Variants in SEC63 observed in about 807,000 individuals in gnomAD.
SEC63 encodes the protein translocation protein SEC63 homolog.
A neutral mutation model predicts 116.2 loss-of-function variants in SEC63; 56 were observed. The observed-to-expected ratio is 0.48, with a 90% CI of 0.39 to 0.60. The LOEUF is 0.60. Among genes scored for constraint, SEC63 ranks in the 20% least tolerant of loss-of-function variants. The probability of loss-of-function intolerance (pLI) is 0.00; values close to 1 mark genes in which losing one functional copy is unlikely to be tolerated. For synonymous variants in SEC63, 273 were observed against 294.6 expected, an observed-to-expected ratio of 0.93 and a Z score of 0.75; for missense variants, 668 against 900.0, an observed-to-expected ratio of 0.74 and a Z score of 3.30.
Position 107,954,338 on chromosome 6 carries a change from G to A in SEC63, c.124+3548C>T, listed in dbSNP as rs1229994980. ...AGGGACACAAACACTGCGGAAGGCC[G>A]CAGGGTCCTCTGCCTAGGAAAACCA... On this transcript the variant is annotated intron_variant, in intron 1 of 20. Transcript: ENST00000369002. 6.6e-5 allele frequency among the ~76,000 whole-genome samples: 10 copies of A among 151,792 alleles called. No individual in the cohort carries two copies. In the South Asian group the frequency reaches 1.2e-3, roughly 19 times the overall value.
chr6:107,953,677 G>A (rs1295531243), intron 1 of SEC63, among the ~76,000 whole-genome samples: 4 of 127,508 alleles, frequency 3.1e-5, no homozygotes, highest in South Asian at 2.7e-4. Flanking sequence ...CCGGCCAGCC[G>A]CCCCGTCCGG....
At chr6:107,926,950 CAT>C (rs542684639) in intron 2 of SEC63, among the ~76,000 whole-genome samples, 46 of 152,276 alleles carry the variant, frequency 3.0e-4, no homozygotes, top group African/African-American at 1.1e-3. Context: ...AAGATAGAAA[CAT>C]AACGGATCAC....
intron 1 of SEC63, among the ~76,000 whole-genome samples, chr6:107,953,827 C>T (rs7775299): frequency 1.6e-5 from 2 of 123,820 alleles, no homozygotes; most frequent in African/African-American, 2.9e-5. Flanking sequence ...CCAGCCGCCC[C>T]GTCCGGGAGG....
chr6:107,902,549 T>A (rs1488948328), intron 12 of SEC63, among the ~76,000 whole-genome samples: 1 of 152,130 alleles, frequency 6.6e-6, no homozygotes, highest in Non-Finnish European at 1.5e-5. Context: ...AAAATGACTG[T>A]AAAGTAGACA....
chr6:107,917,779 C>G (rs772843674), intron 4 of SEC63, among the ~76,000 whole-genome samples: 5 of 152,198 alleles, frequency 3.3e-5, no homozygotes, highest in Admixed American at 6.5e-5. Flanking sequence ...GGTGAGGGAG[C>G]TGCAGAAGCT....
At chr6:107,911,213 T>C in intron 7 of SEC63, 133 bp downstream of exon 7, 1 of 717,884 alleles carries the variant, frequency 1.4e-6, no homozygotes. Flanking sequence ...CACCTCACCT[T>C]CAGTGGCAAG....
Position 107,958,110 on chromosome 6 carries a change from C to G in SEC63, c.-101G>C. 1.9e-6 allele frequency: 3 copies of G among 1,548,092 alleles called. No homozygotes were observed. The highest frequency in any genetic ancestry group is 2.6e-6 in the Non-Finnish European group (3 of 1,137,894). ...CGGCCCGAGTGGCGTAGCTTGGACA[C>G]TGCCGCCGCCGCCTCTCCTCCCCGC... On this transcript the variant is annotated 5_prime_UTR_variant, in exon 1 of 21. Transcript: ENST00000369002.
At chr6:107,914,035 G>T (rs1787344303) in intron 4 of SEC63, among the ~76,000 whole-genome samples, 1 of 152,072 alleles carries the variant, frequency 6.6e-6, no homozygotes, top group African/African-American at 2.4e-5. Context: ...AATTTCTCCT[G>T]AACAGCAGCT....
intron 7 of SEC63, 32 bp from the exon 8 acceptor site, chr6:107,909,067 A>G: frequency 1.4e-6 from 2 of 1,480,238 alleles, no homozygotes; most frequent in South Asian, 2.3e-5. Flanking sequence ...ACAAGAAAGA[A>G]AGTATAAAAA....
At chr6:107,942,306 C>G (rs186854562) in intron 1 of SEC63, among the ~76,000 whole-genome samples, 2 of 152,316 alleles carry the variant, frequency 1.3e-5, no homozygotes, top group African/African-American at 2.4e-5. Flanking sequence ...CACCACCATT[C>G]TTCAGCAGCC....
At chr6:107,937,898 A>C (rs986050349) in intron 1 of SEC63, among the ~76,000 whole-genome samples, 1 of 152,034 alleles carries the variant, frequency 6.6e-6, no homozygotes, top group Non-Finnish European at 1.5e-5. Context: ...TTGCTTGTTG[A>C]GTTGTTTAAG....
In SEC63 at chr6:107,921,779, A is replaced by C; in HGVS notation, c.452+18T>G. On this transcript the variant is annotated intron_variant, in intron 4 of 20. Coordinates refer to ENST00000369002, the MANE Select transcript of SEC63 (RefSeq NM_007214.5). ...TCTGTACCATTCTTAAAAATTTGTAATGGATCCTGATACTTACGCAGCATA... is the reference window on the plus strand; with the variant it reads ...TCTGTACCATTCTTAAAAATTTGTACTGGATCCTGATACTTACGCAGCATA... The C allele has an allele frequency of 6.7e-7, 1 of 1,483,636 alleles. No individual in the cohort carries two copies. The highest frequency in any genetic ancestry group is 1.1e-5 in the South Asian group (1 of 88,440). The allele number at this position is 1,483,636 out of a possible 1,614,324, so 91.9% of individuals were successfully genotyped here. A position where few individuals can be genotyped will look rare whatever the true frequency, so the allele number is the denominator to read the frequency against.
At chr6:107,908,500 C>G (rs1787201703) in intron 8 of SEC63, among the ~76,000 whole-genome samples, 1 of 152,170 alleles carries the variant, frequency 6.6e-6, no homozygotes, top group Non-Finnish European at 1.5e-5. Context: ...CTGGATATCA[C>G]TTACTGTGTA....
intron 16 of SEC63, among the ~76,000 whole-genome samples, chr6:107,887,750 A>T (rs948614778): frequency 2.0e-5 from 3 of 151,268 alleles, no homozygotes; most frequent in African/African-American, 7.3e-5. Context: ...AAGTATAACT[A>T]AAAAAAAAAT....
rs572597143 is a variant in SEC63, at chr6:107,903,827, C to T, written c.1054+802G>A. Among the ~76,000 whole-genome samples, 39 of 152,242 alleles carry T rather than the reference C, an allele frequency of 2.6e-4. 1 individual carries two copies. The highest frequency in any genetic ancestry group is 8.9e-4 in the African/African-American group (37 of 41,574). ...AAGAGAAATTTTAAATCTTTGCAAA[C>T]AATTGAACAATAAAATAATTAAATT... On this transcript the variant is annotated intron_variant, in intron 11 of 20. Transcript: ENST00000369002.
chr6:107,921,073 C>T (rs574805478), intron 4 of SEC63, among the ~76,000 whole-genome samples: 8 of 151,560 alleles, frequency 5.3e-5, no homozygotes, highest in East Asian at 3.9e-4. Context: ...TCTTGTGTGA[C>T]GAAATTCTAA....
intron 16 of SEC63, among the ~76,000 whole-genome samples, chr6:107,886,309 G>T (rs575787560): frequency 6.6e-6 from 1 of 152,116 alleles, no homozygotes; most frequent in Non-Finnish European, 1.5e-5. Flanking sequence ...GAACAGTGCC[G>T]CAATAAACAT....
At chr6:107,926,559 T>A (rs1252608759) in intron 2 of SEC63, among the ~76,000 whole-genome samples, 1 of 152,118 alleles carries the variant, frequency 6.6e-6, no homozygotes, top group African/African-American at 2.4e-5. Context: ...AACTTTTTTT[T>A]AACACTTTTT....
chr6:107,881,564 C>A (rs1786415187), intron 17 of SEC63, among the ~76,000 whole-genome samples: 2 of 152,048 alleles, frequency 1.3e-5, no homozygotes, highest in African/African-American at 4.8e-5. Context: ...TCTGAACTTA[C>A]CAAACTATTT....
Sources: gnomAD v4.1 joint callset for allele counts (sites outside exome capture counted in the v4.1 genomes callset) on GRCh38, gnomAD v4.1.1 for gene constraint, MANE v1.5 for transcripts, NCBI Gene and HGNC (gene_info 2026-07-23, HGNC 2026-07-21) for gene names.